Variants in ST3GAL1 observed in about 807,000 individuals in gnomAD.
The protein encoded by ST3GAL1 is CMP-N-acetylneuraminate-beta-galactosamide-alpha-2,3-sialyltransferase 1.
In ST3GAL1, 16 loss-of-function variants were observed where a neutral mutation model predicts 34.1. The observed-to-expected ratio is 0.47, with a 90% CI of 0.32 to 0.71. The LOEUF (loss-of-function observed/expected upper bound fraction) is 0.71. Among genes scored for constraint, ST3GAL1 ranks in the 30% least tolerant of loss-of-function variants. ST3GAL1 has a pLI of 0.04. For synonymous variants in ST3GAL1, 191 were observed against 184.7 expected (o/e 1.03, Z -0.28); for missense variants, 353 against 447.4 (o/e 0.79, Z 1.90).
intron 2 of ST3GAL1, among the ~76,000 whole-genome samples, chr8:133,530,198 C>T (rs552351368): frequency 6.6e-6 from 1 of 152,264 alleles, no homozygotes; most frequent in African/African-American, 2.4e-5. Context: ...TCCAGGTGAG[C>T]ATCACGCTGA....
At chr8:133,561,141 G>C (rs1409345178) in intron 1 of ST3GAL1, among the ~76,000 whole-genome samples, 1 of 130,502 alleles carries the variant, frequency 7.7e-6, no homozygotes, top group Non-Finnish European at 1.6e-5. Flanking sequence ...CTTGCTGCCA[G>C]TTAATCAGTT....
chr8:133,491,049 T>C (rs1302659414), intron 3 of ST3GAL1, among the ~76,000 whole-genome samples: 2 of 152,066 alleles, frequency 1.3e-5, no homozygotes, highest in Non-Finnish European at 2.9e-5. Context: ...CTCCTGCTTG[T>C]TCCTTTGCTG....
intron 2 of ST3GAL1, among the ~76,000 whole-genome samples, chr8:133,537,758 G>A (rs968111217): frequency 2.6e-5 from 4 of 152,148 alleles, no homozygotes; most frequent in African/African-American, 4.8e-5. Context: ...TGAAGGTCAC[G>A]AGGCTGGCAA....
intron 3 of ST3GAL1, among the ~76,000 whole-genome samples, chr8:133,490,945 G>A (rs1464213979): frequency 6.6e-6 from 1 of 152,158 alleles, no homozygotes; most frequent in Non-Finnish European, 1.5e-5. Flanking sequence ...TTTCTGCATC[G>A]GCGCCTGCCC....
intron 1 of ST3GAL1, among the ~76,000 whole-genome samples, chr8:133,568,014 G>A (rs754663751): frequency 1.3e-5 from 2 of 151,184 alleles, no homozygotes; most frequent in African/African-American, 2.4e-5. Context: ...TCCACCTCCC[G>A]GGTCCAAGTG....
intron 2 of ST3GAL1, among the ~76,000 whole-genome samples, chr8:133,510,040 C>G (rs947015314): frequency 8.0e-6 from 1 of 124,396 alleles, no homozygotes; most frequent in Non-Finnish European, 1.6e-5. Flanking sequence ...GCCTGGGCAA[C>G]AAGAGTGAAA....
At chr8:133,551,608 AAGAAAGAAAGAG>A (rs1179894936) in intron 1 of ST3GAL1, among the ~76,000 whole-genome samples, 69 of 135,488 alleles carry the variant, frequency 5.1e-4, no homozygotes, top group Non-Finnish European at 5.8e-4. Flanking sequence ...GAAAGAAAGA[AAGAAAGAAAGAG>A]CGAGCAAGCC....
rs537558416 is a variant in ST3GAL1, at chr8:133,505,032, G to A, written c.-428-5843C>T. On this transcript the variant is annotated intron_variant, in intron 2 of 9. Transcript: ENST00000522652. ...CGGGCTAACTCTGCAGACACCTGGG[G>A]GTGGTCAATGATGTAGTACATGTGA... Among the ~76,000 whole-genome samples, 4 of 152,214 alleles carry A rather than the reference G, an allele frequency of 2.6e-5. 1 individual carries two copies. The South Asian group carries it at 8.3e-4, about 32-fold the overall frequency.
chr8:133,481,098 G>T lies in ST3GAL1; in HGVS notation c.-373-4498C>A, dbSNP rs987361892. Reference sequence around the variant, plus strand: ...TGTATTTCTATTGTCTATTTTCTCGGTTGCTCTTTCTTTCTTTGGTTATTT... The same window carrying T: ...TGTATTTCTATTGTCTATTTTCTCGTTTGCTCTTTCTTTCTTTGGTTATTT... On this transcript the variant is annotated intron_variant, in intron 3 of 9. Coordinates refer to ENST00000522652, the MANE Select transcript of ST3GAL1 (RefSeq NM_173344.3). 3.3e-5 allele frequency among the ~76,000 whole-genome samples: 5 copies of T among 152,096 alleles called. 1 individual carries two copies. The highest frequency in any genetic ancestry group is 3.3e-4 in the Admixed American group (5 of 15,268).
chr8:133,461,926 G>A lies in ST3GAL1; in HGVS notation c.798C>T (p.Tyr266=). The A allele has an allele frequency of 6.2e-7, 1 of 1,614,198 alleles. No individual in the cohort carries two copies. The highest frequency in any genetic ancestry group is 8.5e-7 in the Non-Finnish European group (1 of 1,180,032). Residue 266 remains tyrosine (Y), a synonymous_variant, in exon 9 of 10, where the codon TAC becomes TAT. Coordinates refer to ENST00000522652, the MANE Select transcript of ST3GAL1 (RefSeq NM_173344.3). This position sits in a 1 kb window ranked among gnomAD's most constrained non-coding sequence, Gnocchi z 4.7. Reference sequence around the variant, plus strand: ...TGACCGAGAGGATGCCGGTAGATGGGTATCGCCCGTGCCCTTGCAGCCAGT... The same window carrying A: ...TGACCGAGAGGATGCCGGTAGATGGATATCGCCCGTGCCCTTGCAGCCAGT... ...FDNWLQGHGR[Y]PSTGILSVIF...
At chr8:133,543,096 C>T (rs961291667) in intron 2 of ST3GAL1, among the ~76,000 whole-genome samples, 2 of 152,164 alleles carry the variant, frequency 1.3e-5, no homozygotes, top group Admixed American at 1.3e-4. Flanking sequence ...TCCAAGCTAA[C>T]ATCACCAGTA....
rs556778332 is a variant in ST3GAL1, at chr8:133,465,015, C to A, written c.504-58G>T. 3 of 1,531,240 alleles carry A rather than the reference C, an allele frequency of 2.0e-6. No homozygotes were observed. The South Asian group carries it at 3.8e-5, about 19-fold the overall frequency. The allele number at this position is 1,531,240 out of a possible 1,614,324, so 94.9% of individuals were successfully genotyped here. The stretch of plus-strand genomic sequence containing the variant: ...AGCACGGGCACCCGTTCTCAGACAG[C>A]CTGAGAGCTCCGAGAGAGTGAGCCT... On this transcript the variant is annotated intron_variant, in intron 6 of 9. Coordinates refer to ENST00000522652, the MANE Select transcript of ST3GAL1 (RefSeq NM_173344.3).
intron 3 of ST3GAL1, among the ~76,000 whole-genome samples, chr8:133,490,897 G>T (rs1276128332): frequency 1.3e-5 from 2 of 152,152 alleles, no homozygotes; most frequent in African/African-American, 4.8e-5. Flanking sequence ...AGCATGACTT[G>T]GGAAGTCCGT....
intron 3 of ST3GAL1, among the ~76,000 whole-genome samples, chr8:133,490,413 C>T (rs16904933): frequency 0.16 from 23,759 of 152,246 alleles, 2,381 homozygotes; most frequent in East Asian, 0.52. Context: ...ACTAGGCCGG[C>T]TCCAGGATCT....
intron 2 of ST3GAL1, among the ~76,000 whole-genome samples, chr8:133,520,711 C>T (rs1286485719): frequency 6.6e-6 from 1 of 151,814 alleles, no homozygotes; most frequent in Non-Finnish European, 1.5e-5. Context: ...GGAGTCTATT[C>T]CAGGAAATGG....
At position 133,456,588 on chromosome 8, in the gene ST3GAL1, A is replaced by G. The variant is rs1465331480; in HGVS notation, c.*3176T>C. The G allele has an allele frequency of 6.6e-6, 1 of 152,232 alleles. No homozygotes were observed. Among genetic ancestry groups the G allele is most frequent in the Non-Finnish European group, 1.5e-5 (1 of 68,060 alleles). 9.4% of individuals were successfully genotyped at this position (152,232 alleles called of 1,614,324 possible). On this transcript the variant is annotated 3_prime_UTR_variant, in exon 10 of 10. Coordinates refer to ENST00000522652, the MANE Select transcript of ST3GAL1 (RefSeq NM_173344.3). ...TCTTGTCTAATTCCCAGCCACCTTC[A>G]CCCCAGGGATGAGTTCCAGTTGGTT...
chr8:133,502,562 T>A (rs2130996887), intron 2 of ST3GAL1, among the ~76,000 whole-genome samples: 1 of 152,342 alleles, frequency 6.6e-6, no homozygotes, highest in African/African-American at 2.4e-5. Flanking sequence ...GATGACACCT[T>A]GATCTTGGGC....
chr8:133,548,254 CA>C (rs796961437), intron 1 of ST3GAL1, among the ~76,000 whole-genome samples: 4 of 152,304 alleles, frequency 2.6e-5, no homozygotes, highest in African/African-American at 9.6e-5. Context: ...TGGCAGCAGC[CA>C]GGGGGATCCT....
rs1198714889 is a variant in ST3GAL1 at position 133,497,875 on chromosome 8, A to AGC, written c.-374+1259_-374+1260insGC. ...AGAGGTGAGCAGCCACTGTGATGGT[A>AGC]GTGGGGTATGGGAGCAAACACCCAG... On this transcript the variant is annotated intron_variant, in intron 3 of 9. Transcript: ENST00000522652. Among the ~76,000 whole-genome samples, 12 of 152,298 alleles carry AGC rather than the reference A, an allele frequency of 7.9e-5. No homozygotes were observed. In the East Asian group the frequency reaches 2.1e-3, roughly 27 times the overall value.
Sources: allele counts gnomAD v4.1 joint callset (sites outside exome capture counted in the v4.1 genomes callset), GRCh38; gene constraint gnomAD v4.1.1; non-coding constraint Gnocchi (gnomAD v3.1); transcripts MANE v1.5; gene names NCBI Gene and HGNC (gene_info 2026-07-23, HGNC 2026-07-21).